Variants in CACNA1B observed in about 807,000 individuals in gnomAD.
CACNA1B encodes voltage-dependent N-type calcium channel subunit alpha-1B.
A neutral mutation model predicts 247.2 loss-of-function variants in CACNA1B; 70 were observed. The ratio of observed to expected loss-of-function variants is 0.28; its 90% CI spans 0.23 to 0.35. The LOEUF (loss-of-function observed/expected upper bound fraction) is 0.35. CACNA1B is among the 10% of genes least tolerant of loss of function. CACNA1B has a pLI of 1.00. For missense variants in CACNA1B, 2,367 were observed against 3,197.4 expected, an observed-to-expected ratio of 0.74 and a Z score of 6.26; for synonymous variants, 1,231 against 1,294.4, an observed-to-expected ratio of 0.95 and a Z score of 1.05.
At chr9:137,902,708 C>T (rs937355723) in intron 3 of CACNA1B, among the ~76,000 whole-genome samples, 1 of 152,192 alleles carries the variant, frequency 6.6e-6, no homozygotes, top group African/African-American at 2.4e-5. Context: ...CAAGCTTTTT[C>T]GGTGTGTAGG....
intron 18 of CACNA1B, among the ~76,000 whole-genome samples, chr9:138,015,397 G>A (rs117653520): frequency 1.1e-4 from 17 of 152,164 alleles, no homozygotes; most frequent in Admixed American, 3.3e-4. Flanking sequence ...TGCTGTTTGC[G>A]TGCCTGTGTT....
chr9:138,105,436 G>A (rs1029287408), intron 38 of CACNA1B, among the ~76,000 whole-genome samples: 6 of 152,192 alleles, frequency 3.9e-5, no homozygotes, highest in Non-Finnish European at 8.8e-5. Flanking sequence ...GCTTTCAGAG[G>A]GATCAAGGCT....
At chr9:137,951,821 G>A (rs1289054001) in intron 6 of CACNA1B, among the ~76,000 whole-genome samples, 1 of 152,236 alleles carries the variant, frequency 6.6e-6, no homozygotes, top group Non-Finnish European at 1.5e-5. Context: ...GGGAGCTGCT[G>A]CATGTGGACT....
At chr9:138,055,640 G>A (rs572412518) in intron 26 of CACNA1B, among the ~76,000 whole-genome samples, 2 of 152,252 alleles carry the variant, frequency 1.3e-5, no homozygotes, top group East Asian at 1.9e-4. Context: ...GTTAAGATAC[G>A]TTTTCTGACG....
At chr9:137,898,857 A>G (rs1957201001) in intron 3 of CACNA1B, among the ~76,000 whole-genome samples, 1 of 151,504 alleles carries the variant, frequency 6.6e-6, no homozygotes, top group Non-Finnish European at 1.5e-5. Flanking sequence ...AATTTTTTGT[A>G]TTTTTAGTAG....
At chr9:138,086,392 G>A (rs941778182) in intron 36 of CACNA1B, among the ~76,000 whole-genome samples, 1 of 151,102 alleles carries the variant, frequency 6.6e-6, no homozygotes, top group Non-Finnish European at 1.5e-5. Flanking sequence ...CAGTGTGGTG[G>A]TGCATACTTG....
At chr9:137,892,022 G>A (rs1163524389) in intron 3 of CACNA1B, 3 of 457,174 alleles carry the variant, frequency 6.6e-6, no homozygotes, top group Non-Finnish European at 1.3e-5. Flanking sequence ...TCCTCACTCA[G>A]TGTGCGGCCT....
intron 37 of CACNA1B, among the ~76,000 whole-genome samples, chr9:138,099,859 A>G (rs1961195956): frequency 6.6e-6 from 1 of 152,228 alleles, no homozygotes; most frequent in Non-Finnish European, 1.5e-5. Flanking sequence ...GTGACTTGAG[A>G]GGAGAATTGC....
intron 1 of CACNA1B, 26 bp from the exon 2 acceptor site, chr9:137,879,028 T>C: frequency 6.6e-7 from 1 of 1,507,624 alleles, no homozygotes. Flanking sequence ...GTGCGGCGTC[T>C]GCCGGCCAGT....
chr9:137,996,419 C>A (rs1747857411), intron 15 of CACNA1B, among the ~76,000 whole-genome samples: 1 of 152,118 alleles, frequency 6.6e-6, no homozygotes, highest in Admixed American at 6.5e-5. Context: ...GAATGGAAAC[C>A]CAAACATTGT....
Position 137,918,897 on chromosome 9 carries a change from A to G in CACNA1B, c.966+1466A>G, listed in dbSNP as rs116769012. On this transcript the variant is annotated intron_variant, in intron 6 of 46. Coordinates refer to ENST00000371372, the MANE Select transcript of CACNA1B (RefSeq NM_000718.4). Reference sequence around the variant, plus strand: ...ACAGGCTTGTGTGATTGAGGGAATGAGGAACAGGACAAAGCCGGTGATGAG... The same window carrying G: ...ACAGGCTTGTGTGATTGAGGGAATGGGGAACAGGACAAAGCCGGTGATGAG... Among the ~76,000 whole-genome samples, 1,387 of 152,294 alleles carry G rather than the reference A, an allele frequency of 9.1e-3. 23 individuals carry two copies. Among genetic ancestry groups the G allele is most frequent in the African/African-American group, 0.031 (1,303 of 41,562 alleles).
At chr9:137,956,655 A>G (rs1484237443) in intron 8 of CACNA1B, 116 bp from the exon 9 acceptor site, 5 of 342,846 alleles carry the variant, frequency 1.5e-5, no homozygotes, top group Non-Finnish European at 2.3e-5. Context: ...CTCCATCTCA[A>G]AAAAAAAAAA....
chr9:138,023,632 A>T lies in CACNA1B; in HGVS notation c.2889A>T (p.Arg963=). 7.7e-7 allele frequency: 1 copy of T among 1,296,036 alleles called. No homozygotes were observed. The highest frequency in any genetic ancestry group is 2.1e-5 in the South Asian group (1 of 48,370). 80.3% of individuals were successfully genotyped at this position (1,296,036 alleles called of 1,614,324 possible). ...GCGCGCGGCACCGCGGCGGCCCCCG[A>T]GCGGGGCCCCGGGAGGCGGAGAGCG... ...ERRARHRGGP[R]AGPREAESGE... is the part of the protein sequence containing the mutation. Residue 963 remains arginine, a synonymous_variant, in exon 19 of 47, where the codon CGA becomes CGT. Transcript: ENST00000371372.
intron 15 of CACNA1B, among the ~76,000 whole-genome samples, chr9:138,003,663 A>G (rs935052665): frequency 3.3e-5 from 5 of 152,142 alleles, no homozygotes; most frequent in African/African-American, 1.2e-4. Context: ...AAGTCTCAAA[A>G]GTCAGTAAGA....
At chr9:137,969,640 G>A (rs1958121736) in intron 10 of CACNA1B, among the ~76,000 whole-genome samples, 1 of 152,232 alleles carries the variant, frequency 6.6e-6, no homozygotes, top group Admixed American at 6.5e-5. Flanking sequence ...TGTGTCCACA[G>A]GTGTGTGCCT....
intron 25 of CACNA1B, 70 bp from the exon 26 acceptor site, chr9:138,053,757 CTCCCCGTGACCCTACCCTT>C: frequency 1.0e-6 from 1 of 991,304 alleles, no homozygotes; most frequent in Non-Finnish European, 1.6e-6. Flanking sequence ...GGCTCCACCC[CTCCCCGTGACCCTACCCTT>C]CCCCCTCATG....
chr9:138,034,587 A>C (rs1314853194), intron 20 of CACNA1B, among the ~76,000 whole-genome samples: 1 of 151,904 alleles, frequency 6.6e-6, no homozygotes, highest in Non-Finnish European at 1.5e-5. Flanking sequence ...GCCTTTAAAA[A>C]ATCTGTGCCT....
intron 20 of CACNA1B, among the ~76,000 whole-genome samples, chr9:138,029,633 C>T (rs541874347): frequency 1.5e-5 from 2 of 130,114 alleles, no homozygotes; most frequent in African/African-American, 5.8e-5. Flanking sequence ...TTTTTCCAGA[C>T]AGGGTCTCGC....
intron 10 of CACNA1B, among the ~76,000 whole-genome samples, chr9:137,967,270 C>G (rs927436451): frequency 1.3e-5 from 2 of 152,094 alleles, no homozygotes; most frequent in African/African-American, 4.8e-5. Context: ...CTCAATTGGT[C>G]TATTTCCCTT....
Sources: allele counts gnomAD v4.1 joint callset (sites outside exome capture counted in the v4.1 genomes callset), GRCh38; gene constraint gnomAD v4.1.1; transcripts MANE v1.5; gene names NCBI Gene and HGNC (gene_info 2026-07-23, HGNC 2026-07-21).